FBXO34: variants seen among roughly 807,000 people sequenced by gnomAD.
FBXO34 encodes the protein F-box only protein 34.
In FBXO34, 12 loss-of-function variants were observed where a neutral mutation model predicts 24.5. The ratio of observed to expected loss-of-function variants is 0.49; its 90% CI spans 0.31 to 0.79. The LOEUF (loss-of-function observed/expected upper bound fraction) is 0.79, where lower values mean the gene tolerates loss of function less well. FBXO34 is among the 30% of genes least tolerant of loss of function. The pLI is 0.04. For synonymous variants in FBXO34, 320 were observed against 311.9 expected (o/e 1.03, Z -0.27); for missense variants, 823 against 857.7 (o/e 0.96, Z 0.51).
In FBXO34 at chr14:55,301,461, C is replaced by T. The variant is rs527951249; in HGVS notation, c.-11+29924C>T. 5.3e-5 allele frequency among the ~76,000 whole-genome samples: 8 copies of T among 151,818 alleles called. No homozygotes were observed. In the South Asian group the frequency reaches 1.7e-3, roughly 32 times the overall value. On this transcript the variant is annotated intron_variant, in intron 1 of 1. Coordinates refer to ENST00000313833, the MANE Select transcript of FBXO34 (RefSeq NM_017943.4). Reference sequence around the variant, plus strand: ...CAAAAAAAAAAAACAAGAAAAACTTCTTTGTTAATATTATACAGCATCTAG... The same window carrying T: ...CAAAAAAAAAAAACAAGAAAAACTTTTTTGTTAATATTATACAGCATCTAG...
chr14:55,280,271 G>C (rs901280809), intron 1 of FBXO34, among the ~76,000 whole-genome samples: 2 of 152,122 alleles, frequency 1.3e-5, no homozygotes, highest in African/African-American at 4.8e-5. Context: ...GCGCTGTTGA[G>C]TAGAAATAGC....
chr14:55,338,299 T>G (rs1042894717), intron 1 of FBXO34, among the ~76,000 whole-genome samples: 1 of 151,896 alleles, frequency 6.6e-6, no homozygotes, highest in African/African-American at 2.4e-5. Context: ...TCTGCCCGCC[T>G]CGGCCTCCCA....
intron 3 of FBXO34, among the ~76,000 whole-genome samples, chr14:55,360,740 G>A (rs1349328259): frequency 1.3e-5 from 2 of 152,184 alleles, no homozygotes; most frequent in Non-Finnish European, 2.9e-5. Flanking sequence ...GCTCACATCT[G>A]TAATCCCAGC....
intron 1 of FBXO34, among the ~76,000 whole-genome samples, chr14:55,338,424 C>T (rs1479712382): frequency 6.6e-6 from 1 of 152,080 alleles, no homozygotes; most frequent in East Asian, 1.9e-4. Flanking sequence ...TCAGTTTCTT[C>T]ATCTACAGTT....
At chr14:55,415,260 G>A in the FBXO34 span, among the ~76,000 whole-genome samples, 1 of 152,158 alleles carries the variant, frequency 6.6e-6, no homozygotes, top group East Asian at 1.9e-4. Flanking sequence ...AAGGAAGAAA[G>A]GAGGATAATG....
downstream of FBXO34, among the ~76,000 whole-genome samples, chr14:55,356,139 G>T (rs566757556): frequency 1.3e-5 from 2 of 152,268 alleles, no homozygotes; most frequent in South Asian, 4.1e-4. Context: ...CTTCTAACTT[G>T]GACTTGTCAG....
chr14:55,371,826 G>A (rs1242552428), downstream of FBXO34, among the ~76,000 whole-genome samples: 2 of 152,048 alleles, frequency 1.3e-5, no homozygotes, highest in South Asian at 2.1e-4. Flanking sequence ...AAAAAACAAA[G>A]AGCCCCTCAG....
intron 3 of FBXO34, among the ~76,000 whole-genome samples, chr14:55,358,725 T>G (rs1363996828): frequency 6.6e-6 from 1 of 151,968 alleles, no homozygotes; most frequent in Non-Finnish European, 1.5e-5. Context: ...GGGGTAGTAG[T>G]GGGTGGGGTA....
chr14:55,428,798 C>G, the FBXO34 span: 2 of 1,611,326 alleles, frequency 1.2e-6, no homozygotes, highest in African/African-American at 2.7e-5. Flanking sequence ...AGCTATATAA[C>G]CGTCATACCT....
At chr14:55,280,784 C>G (rs1434270654) in intron 1 of FBXO34, among the ~76,000 whole-genome samples, 1 of 152,046 alleles carries the variant, frequency 6.6e-6, no homozygotes, top group Non-Finnish European at 1.5e-5. Context: ...CCTCAGCCTT[C>G]CGAAGTGCTG....
chr14:55,331,671 GTATATATA>G (rs1167083082), intron 1 of FBXO34, among the ~76,000 whole-genome samples: 25 of 45,550 alleles, frequency 5.5e-4, no homozygotes, highest in African/African-American at 3.0e-3. Flanking sequence ...CATGGTGTGT[GTATATATA>G]TATATGTGTA....
intron 1 of FBXO34, among the ~76,000 whole-genome samples, chr14:55,315,193 ATT>A (rs1882886283): frequency 6.6e-6 from 1 of 152,116 alleles, no homozygotes; most frequent in Non-Finnish European, 1.5e-5. Flanking sequence ...CTTTTACTTT[ATT>A]ACTTTTGGTT....
chr14:55,361,409 C>G (rs867187472), intron 3 of FBXO34, among the ~76,000 whole-genome samples: 21 of 152,172 alleles, frequency 1.4e-4, no homozygotes, highest in African/African-American at 5.1e-4. Flanking sequence ...CTTTGTTGTT[C>G]CATTTACAGA....
intron 1 of FBXO34, among the ~76,000 whole-genome samples, chr14:55,278,797 T>C (rs1187220277): frequency 6.6e-6 from 1 of 152,166 alleles, no homozygotes; most frequent in African/African-American, 2.4e-5. Flanking sequence ...AGTGATCTTC[T>C]CACCTCAGCC....
downstream of FBXO34, chr14:55,368,114 CTACT>C (rs951277229): frequency 4.3e-5 from 6 of 140,852 alleles, no homozygotes; most frequent in African/African-American, 1.3e-4. Flanking sequence ...TAAAAATAAA[CTACT>C]TACATATTTG....
In FBXO34 at chr14:55,352,332, C is replaced by T. The variant is rs753159194; in HGVS notation, c.1942C>T (p.Arg648Ter). The T allele has an allele frequency of 1.9e-6, 3 of 1,614,140 alleles. No individual in the cohort carries two copies. Among genetic ancestry groups the T allele is most frequent in the Non-Finnish European group, 2.5e-6 (3 of 1,179,978 alleles). The change falls in exon 2 of 2, where the codon CGA becomes TGA. Residue 648 changes from arginine to a stop codon, truncating the protein, a stop_gained. Transcript: ENST00000313833. LOFTEE classifies it high-confidence loss of function. ...KYVKGDVSLC[R>*]WHPKPYCQAL... ...TGTGAAAGGGGATGTGTCCCTGTGC[C>T]GATGGCACCCCAAGCCCTATTGCCA...
At chr14:55,375,486 C>A in the FBXO34 span, among the ~76,000 whole-genome samples, 4 of 114,818 alleles carry the variant, frequency 3.5e-5, no homozygotes, top group African/African-American at 1.4e-4. Flanking sequence ...CCACGCCGGG[C>A]TAAATTTTTT....
the FBXO34 span, chr14:55,436,701 T>C: frequency 2.0e-5 from 32 of 1,614,146 alleles, no homozygotes; most frequent in East Asian, 1.1e-4. Context: ...GGTGCAGCTG[T>C]GAATGGGAAT....
At chr14:55,390,803 C>T in the FBXO34 span, 1 of 719,590 alleles carries the variant, frequency 1.4e-6, no homozygotes, top group East Asian at 3.0e-5. Flanking sequence ...CTCCAAGTTG[C>T]CACTGCCCCA....
Sources: allele counts gnomAD v4.1 joint callset (sites outside exome capture counted in the v4.1 genomes callset), GRCh38; gene constraint gnomAD v4.1.1; transcripts MANE v1.5; gene names NCBI Gene and HGNC (gene_info 2026-07-23, HGNC 2026-07-21).